Variants in MYRFL observed in about 807,000 individuals in gnomAD.
The protein encoded by MYRFL is myelin regulatory factor like, also known as myelin regulatory factor-like protein.
A neutral mutation model predicts 109.4 loss-of-function variants in MYRFL; 88 were observed. That is an observed-to-expected ratio of 0.80 (90% CI 0.68 to 0.96). The LOEUF is 0.96. Ranked by LOEUF, MYRFL falls within the 40% of genes least tolerant of loss-of-function variation. The pLI is 0.00. For synonymous variants in MYRFL, 324 were observed against 320.9 expected, an observed-to-expected ratio of 1.01 and a Z score of -0.10; for missense variants, 957 against 954.9, an observed-to-expected ratio of 1.00 and a Z score of -0.03.
intron 2 of MYRFL, among the ~76,000 whole-genome samples, chr12:69,878,103 T>C (rs943900557): frequency 6.6e-5 from 10 of 151,846 alleles, no homozygotes; most frequent in African/African-American, 2.4e-4. Context: ...ATTAACCAGG[T>C]GTGGTGGCAG....
chr12:69,946,060 G>C (rs1366011102), intron 19 of MYRFL, among the ~76,000 whole-genome samples: 1 of 140,668 alleles, frequency 7.1e-6, no homozygotes, highest in Non-Finnish European at 1.5e-5. Context: ...ATGTCCATAA[G>C]ATTATATACA....
At chr12:69,943,878 T>C (rs1237560271) in intron 19 of MYRFL, among the ~76,000 whole-genome samples, 1 of 152,042 alleles carries the variant, frequency 6.6e-6, no homozygotes, top group Non-Finnish European at 1.5e-5. Flanking sequence ...ATGAAGGACA[T>C]GAACAGACAC....
intron 15 of MYRFL, among the ~76,000 whole-genome samples, chr12:69,930,446 G>A (rs1955234207): frequency 6.6e-6 from 1 of 151,994 alleles, no homozygotes; most frequent in East Asian, 1.9e-4. Context: ...GCTATACGTA[G>A]GACTCAGGAT....
chr12:69,915,657 C>T (rs986564701), intron 13 of MYRFL, among the ~76,000 whole-genome samples: 18 of 152,066 alleles, frequency 1.2e-4, no homozygotes, highest in African/African-American at 2.4e-5. Context: ...CTCATATATT[C>T]CCCACAGTGT....
At chr12:69,841,993 C>T (rs538116946) in intron 1 of MYRFL, among the ~76,000 whole-genome samples, 6 of 152,304 alleles carry the variant, frequency 3.9e-5, no homozygotes, top group Admixed American at 3.9e-4. Context: ...AAGGAAGACA[C>T]TGAGAGGCTA....
intron 2 of MYRFL, among the ~76,000 whole-genome samples, chr12:69,877,027 T>TTTCTTTC (rs1885715465): frequency 3.6e-3 from 132 of 37,032 alleles, no homozygotes; most frequent in African/African-American, 0.011. Context: ...TTCTTTCTTT[T>TTTCTTTC]TTTTTTTTTT....
intron 13 of MYRFL, among the ~76,000 whole-genome samples, chr12:69,925,291 A>C (rs10879056): frequency 6.6e-6 from 1 of 151,972 alleles, no homozygotes; most frequent in Non-Finnish European, 1.5e-5. Flanking sequence ...AGTTTCAGAG[A>C]GTTCTCCAGT....
chr12:69,851,981 CTA>C (rs1883902747), intron 1 of MYRFL, among the ~76,000 whole-genome samples: 2 of 152,204 alleles, frequency 1.3e-5, no homozygotes, highest in African/African-American at 4.8e-5. Flanking sequence ...AATATTTAGA[CTA>C]TCGCTCTAGT....
At chr12:69,947,885 C>G (rs1204591669) in intron 19 of MYRFL, among the ~76,000 whole-genome samples, 1 of 152,180 alleles carries the variant, frequency 6.6e-6, no homozygotes, top group Non-Finnish European at 1.5e-5. Context: ...ACAACACAGT[C>G]TTACAAGTAG....
chr12:69,844,216 CT>C (rs1322332462), intron 1 of MYRFL, among the ~76,000 whole-genome samples: 9 of 152,132 alleles, frequency 5.9e-5, no homozygotes, highest in African/African-American at 2.2e-4. Flanking sequence ...ATCATCTCTC[CT>C]TATTCATTAA....
In MYRFL at chr12:69,870,099, C is replaced by CTTTTTTTTTTTTTTTT. The variant is rs754843682; in HGVS notation, c.138-8917_138-8902dup. ...GCTAAGAATCTCTTGATTTTTCTTC[C>CTTTTTTTTTTTTTTTT]TTTTTTTTTTTTTTTTTTTTTTTTT... On this transcript the variant is annotated intron_variant, in intron 2 of 24. Coordinates refer to ENST00000552032, the MANE Select transcript of MYRFL (RefSeq NM_182530.3). 3.7e-5 allele frequency among the ~76,000 whole-genome samples: 3 copies of CTTTTTTTTTTTTTTTT among 81,330 alleles called. 1 individual carries two copies. The highest frequency in any genetic ancestry group is 1.5e-4 in the African/African-American group (3 of 19,366). The allele number at this position is 81,330 out of a possible 152,430, so 53.4% of individuals were successfully genotyped here.
At chr12:69,854,737 C>T (rs1240216) in intron 1 of MYRFL, among the ~76,000 whole-genome samples, 30,548 of 152,082 alleles carry the variant, frequency 0.2, 3,864 homozygotes, top group Middle Eastern at 0.36. Context: ...CAAGGACAGA[C>T]TTCTTACATG....
intron 1 of MYRFL, among the ~76,000 whole-genome samples, chr12:69,847,328 A>AG (rs1158465654): frequency 6.6e-6 from 1 of 152,232 alleles, no homozygotes; most frequent in African/African-American, 2.4e-5. Flanking sequence ...CTCTTTACTA[A>AG]GGATTGTCAA....
chr12:69,952,299 C>T (rs1377932553), intron 20 of MYRFL, 124 bp downstream of exon 20: 9 of 810,242 alleles, frequency 1.1e-5, no homozygotes, highest in Non-Finnish European at 1.4e-5. Context: ...CCACGCATAT[C>T]CATGGGACTG....
At chr12:69,830,947 G>T (rs1278780714) in intron 1 of MYRFL, among the ~76,000 whole-genome samples, 2 of 152,044 alleles carry the variant, frequency 1.3e-5, no homozygotes, top group Non-Finnish European at 2.9e-5. Flanking sequence ...TTAGAACCTG[G>T]TTTCTGGAAG....
At chr12:69,855,443 T>C in intron 2 of MYRFL, 73 bp downstream of exon 2, 1 of 653,398 alleles carries the variant, frequency 1.5e-6, no homozygotes, top group Admixed American at 2.2e-5. Flanking sequence ...CTAAGAAGTG[T>C]TCCCTCCTCT....
intron 6 of MYRFL, among the ~76,000 whole-genome samples, chr12:69,890,185 C>CTGA (rs971310323): frequency 1.3e-5 from 2 of 152,148 alleles, no homozygotes; most frequent in African/African-American, 4.8e-5. Flanking sequence ...TTCATGTGAT[C>CTGA]ATCAATAGGC....
intron 1 of MYRFL, among the ~76,000 whole-genome samples, chr12:69,845,849 T>A (rs1883500439): frequency 6.8e-6 from 1 of 147,282 alleles, no homozygotes; most frequent in East Asian, 2.1e-4. Flanking sequence ...AATATTATAA[T>A]CCTCTAGCAA....
chr12:69,891,613 T>TCCTTTC (rs1886840017), intron 7 of MYRFL, among the ~76,000 whole-genome samples: 3 of 116,868 alleles, frequency 2.6e-5, no homozygotes, highest in Admixed American at 7.9e-5. Flanking sequence ...TTCTCTTTCT[T>TCCTTTC]TCTTTCTTTC....
Sources: allele counts gnomAD v4.1 joint callset (sites outside exome capture counted in the v4.1 genomes callset), GRCh38; gene constraint gnomAD v4.1.1; transcripts MANE v1.5; gene names NCBI Gene and HGNC (gene_info 2026-07-23, HGNC 2026-07-21).